Variants in PTPRD observed in about 807,000 individuals in gnomAD.
The protein encoded by PTPRD is protein tyrosine phosphatase receptor type D, also known as receptor-type tyrosine-protein phosphatase delta.
In PTPRD, 34 loss-of-function variants were observed where a neutral mutation model predicts 214.5. The ratio of observed to expected loss-of-function variants is 0.16; its 90% confidence interval spans 0.12 to 0.21. The LOEUF is 0.21. Ranked by LOEUF, PTPRD falls within the 10% of genes least tolerant of loss-of-function variation. The probability of loss-of-function intolerance (pLI) is 1.00; values close to 1 mark genes in which losing one functional copy is unlikely to be tolerated. For missense variants in PTPRD, 2,545 were observed against 2,398.7 expected, an observed-to-expected ratio of 1.06 and a Z score of -1.27; for synonymous variants, 1,128 against 845.7, an observed-to-expected ratio of 1.33 and a Z score of -5.79.
chr9:8,544,043 T>C (rs544113121), intron 14 of PTPRD, among the ~76,000 whole-genome samples: 1 of 152,168 alleles, frequency 6.6e-6, no homozygotes, highest in South Asian at 2.1e-4. Context: ...TTTTCATGGA[T>C]ATCATAGCCC....
chr9:8,601,624 C>T lies in PTPRD; in HGVS notation c.352+31693G>A, dbSNP rs531373599. Among the ~76,000 whole-genome samples, 6 of 152,232 alleles carry T rather than the reference C, an allele frequency of 3.9e-5. 1 individual carries two copies. The South Asian group carries it at 1.2e-3, about 32-fold the overall frequency. ...GTAATGCACAGAACTTTTCTGGAGC[C>T]TATCCAAGACCAAAATGGCAAAACA... is the stretch of plus-strand genomic sequence containing the variant. On this transcript the variant is annotated intron_variant, in intron 14 of 45. Transcript: ENST00000381196.
intron 14 of PTPRD, among the ~76,000 whole-genome samples, chr9:8,624,098 G>A (rs1353569940): frequency 6.6e-6 from 1 of 151,830 alleles, no homozygotes; most frequent in Non-Finnish European, 1.5e-5. Flanking sequence ...ACGACAGTGT[G>A]ACTCTAGTTT....
chr9:9,260,241 A>G (rs2099979491), intron 9 of PTPRD, among the ~76,000 whole-genome samples: 1 of 151,864 alleles, frequency 6.6e-6, no homozygotes. Context: ...AGCAAACTCC[A>G]TCAGCTAAAG....
intron 14 of PTPRD, among the ~76,000 whole-genome samples, chr9:8,558,561 A>G (rs966971819): frequency 1.3e-5 from 2 of 152,170 alleles, no homozygotes; most frequent in African/African-American, 2.4e-5. Context: ...GCCTTTTCAC[A>G]TGTGTCAGAT....
intron 44 of PTPRD, among the ~76,000 whole-genome samples, chr9:8,321,962 G>C (rs1288833008): frequency 6.6e-6 from 1 of 151,874 alleles, no homozygotes; most frequent in Non-Finnish European, 1.5e-5. Flanking sequence ...GTAGCAGTTT[G>C]GTAATTCTTG....
rs373892013 is a variant in PTPRD at position 8,709,054 on chromosome 9, A to G, written c.64+24726T>C. Among the ~76,000 whole-genome samples, 49 of 152,188 alleles carry G rather than the reference A, an allele frequency of 3.2e-4. No individual in the cohort carries two copies. In the East Asian group the frequency reaches 7.2e-3, roughly 22 times the overall value. ...ATATGGGATCTGAAAAACTGATTTC[A>G]TAGAAGTAGAAAGTGGAATAGTGGC... On this transcript the variant is annotated intron_variant, in intron 12 of 45. Coordinates refer to ENST00000381196, the MANE Select transcript of PTPRD (RefSeq NM_002839.4).
Position 8,451,999 on chromosome 9 carries a change from C to A in PTPRD, c.3876-2162G>T, listed in dbSNP as rs752422579. On this transcript the variant is annotated intron_variant, in intron 33 of 45. Transcript: ENST00000381196. ...AGAAAACTCTCTAAAGTAATTTAGC[C>A]CATTTCTCTGGTGCAAGGAAAGTTA... is the stretch of plus-strand genomic sequence containing the variant. The A allele has an allele frequency of 8.9e-6, 3 of 337,514 alleles. No homozygotes were observed. In the Admixed American group the frequency reaches 1.3e-4, roughly 14 times the overall value. 20.9% of individuals were successfully genotyped at this position (337,514 alleles called of 1,614,324 possible).
rs191902723 is a variant in PTPRD, at chr9:9,553,953, T to A, written c.-237+20779A>T. ...ACAACAAAGCTTACATATGTGAGCA[T>A]TGCTTGCTACAGATTCTGGGTATTT... is the stretch of plus-strand genomic sequence containing the variant. On this transcript the variant is annotated intron_variant, in intron 8 of 45. Coordinates refer to ENST00000381196, the MANE Select transcript of PTPRD (RefSeq NM_002839.4). Among the ~76,000 whole-genome samples, 172 of 152,186 alleles carry A rather than the reference T, an allele frequency of 1.1e-3. 4 individuals carry two copies. The highest frequency in any genetic ancestry group is 0.01 in the Admixed American group (153 of 15,262).
At chr9:8,640,882 G>C (rs1251478138) in intron 12 of PTPRD, among the ~76,000 whole-genome samples, 1 of 133,178 alleles carries the variant, frequency 7.5e-6, no homozygotes, top group African/African-American at 4.1e-5. Context: ...ACTAAGCATG[G>C]GTGGTGCATA....
At chr9:9,285,881 T>G (rs1949192415) in intron 9 of PTPRD, among the ~76,000 whole-genome samples, 1 of 151,832 alleles carries the variant, frequency 6.6e-6, no homozygotes, top group Non-Finnish European at 1.5e-5. Flanking sequence ...TATCTGTATC[T>G]ATATCTATAT....
intron 2 of PTPRD, among the ~76,000 whole-genome samples, chr9:10,488,316 G>A (rs535288765): frequency 1.2e-4 from 18 of 147,798 alleles, no homozygotes; most frequent in South Asian, 4.3e-4. Context: ...GCAGTGAGCC[G>A]AGATCGCACC....
chr9:8,786,093 C>T (rs574103853), intron 11 of PTPRD, among the ~76,000 whole-genome samples: 1 of 151,144 alleles, frequency 6.6e-6, no homozygotes. Context: ...TTGTTCACCG[C>T]TAGTGGCAAT....
chr9:9,806,013 G>C (rs968091118), intron 5 of PTPRD, among the ~76,000 whole-genome samples: 8 of 152,278 alleles, frequency 5.3e-5, no homozygotes, highest in Middle Eastern at 3.4e-3. Context: ...TAACCCTCAA[G>C]TGGTTTACCA....
intron 5 of PTPRD, among the ~76,000 whole-genome samples, chr9:9,929,030 C>G (rs552906748): frequency 6.6e-6 from 1 of 152,226 alleles, no homozygotes; most frequent in Admixed American, 6.5e-5. Context: ...CTTATATGCT[C>G]TGGTCTGTAT....
At chr9:9,560,234 G>T (rs1417349227) in intron 8 of PTPRD, among the ~76,000 whole-genome samples, 1 of 152,154 alleles carries the variant, frequency 6.6e-6, no homozygotes, top group Non-Finnish European at 1.5e-5. Context: ...ACTAGAGGAA[G>T]TACACTCCAC....
chr9:8,334,890 CAAATAAACTAGAAAATCTA>C (rs1392324864), intron 43 of PTPRD, among the ~76,000 whole-genome samples: 1 of 138,132 alleles, frequency 7.2e-6, no homozygotes, highest in East Asian at 2.1e-4. Context: ...CACCTCTATG[CAAATAAACTAGAAAATCTA>C]GAAGAAATGG....
chr9:8,424,058 G>T (rs1330854508), intron 35 of PTPRD, among the ~76,000 whole-genome samples: 2 of 152,046 alleles, frequency 1.3e-5, no homozygotes, highest in Non-Finnish European at 2.9e-5. Flanking sequence ...GCATGAAGCG[G>T]GTGGCTGGGT....
intron 11 of PTPRD, among the ~76,000 whole-genome samples, chr9:8,808,090 T>C (rs753471465): frequency 3.2e-4 from 48 of 152,340 alleles, no homozygotes; most frequent in East Asian, 1.9e-3. Flanking sequence ...CTCTTCATCA[T>C]TGACACCACT....
At chr9:9,430,839 T>C (rs1446470304) in intron 8 of PTPRD, among the ~76,000 whole-genome samples, 2 of 152,208 alleles carry the variant, frequency 1.3e-5, no homozygotes, top group Non-Finnish European at 2.9e-5. Context: ...CTGGGAAAAC[T>C]GGCTAGCCAT....
Sources: gnomAD v4.1 joint callset for allele counts (sites outside exome capture counted in the v4.1 genomes callset) on GRCh38, gnomAD v4.1.1 for gene constraint, MANE v1.5 for transcripts, NCBI Gene and HGNC (gene_info 2026-07-23, HGNC 2026-07-21) for gene names.